The following ZNF83 variants were observed in gnomAD, a reference collection of about 807,000 sequenced individuals.
ZNF83 encodes the protein zinc finger protein 816B.
For missense variants in ZNF83, 552 were observed against 629.9 expected, an observed-to-expected ratio of 0.88 and a Z score of 1.32; for synonymous variants, 209 against 213.0, an observed-to-expected ratio of 0.98 and a Z score of 0.17.
intron 1 of ZNF83, among the ~76,000 whole-genome samples, chr19:52,681,191 A>G (rs191580956): frequency 6.8e-6 from 1 of 147,318 alleles, no homozygotes; most frequent in African/African-American, 2.5e-5. Context: ...AAGCTGAGGT[A>G]GGAGAATCTC....
At chr19:52,663,984 T>C (rs1042448377) in intron 1 of ZNF83, among the ~76,000 whole-genome samples, 12 of 152,198 alleles carry the variant, frequency 7.9e-5, no homozygotes, top group Admixed American at 2.0e-4. Flanking sequence ...CCTCCCGGAT[T>C]CAAGCTATTC....
chr19:52,612,488 G>A (rs1001260649), exon 3 of ZNF83: 1 of 155,752 alleles, frequency 6.4e-6, no homozygotes, highest in African/African-American at 2.4e-5. Context: ...TAAACCCTGT[G>A]ATGTTCCGGT....
intron 1 of ZNF83, among the ~76,000 whole-genome samples, chr19:52,666,200 A>G (rs2061650379): frequency 6.6e-6 from 1 of 151,212 alleles, no homozygotes; most frequent in Non-Finnish European, 1.5e-5. Context: ...AGAGTCAAAG[A>G]GAGAGAGAGA....
intron 2 of ZNF83, among the ~76,000 whole-genome samples, chr19:52,625,342 G>A (rs987632240): frequency 6.6e-6 from 1 of 152,096 alleles, no homozygotes; most frequent in Non-Finnish European, 1.5e-5. Context: ...CCCTATGCAA[G>A]TGTCCTCCAT....
At position 52,655,452 on chromosome 19, in the gene ZNF83, G is replaced by C. The variant is rs145529839; in HGVS notation, c.-74+109C>G. On this transcript the variant is annotated intron_variant, in intron 3 of 5. Coordinates refer to the ZNF83 transcript ENST00000594682. The stretch of plus-strand genomic sequence containing the variant: ...TCATCACTGCAGAAAACAATGACAT[G>C]TACATCAAAAGCATGTATGCGGCAA... The C allele has an allele frequency of 1.9e-4, 195 of 1,021,480 alleles. No individual in the cohort carries two copies. In the African/African-American group the frequency reaches 2.5e-3, roughly 13 times the overall value. The allele number at this position is 1,021,480 out of a possible 1,614,324, so 63.3% of individuals were successfully genotyped here. A position where few individuals can be genotyped will look rare whatever the true frequency, so the allele number is the denominator to read the frequency against.
At chr19:52,628,239 A>G (rs777038413) in intron 2 of ZNF83, among the ~76,000 whole-genome samples, 38 of 152,284 alleles carry the variant, frequency 2.5e-4, no homozygotes, top group Non-Finnish European at 4.7e-4. Flanking sequence ...TGGGAGATCA[A>G]TCGCTGTCCT....
Position 52,687,436 on chromosome 19 carries a change from A to C in ZNF83, c.-283+3007T>G. Among the ~76,000 whole-genome samples, 3 of 20,038 alleles carry C rather than the reference A, an allele frequency of 1.5e-4. 1 individual carries two copies. Among genetic ancestry groups the C allele is most frequent in the Middle Eastern group, 0.045 (1 of 22 alleles). The allele number at this position is 20,038 out of a possible 152,430, so 13.1% of individuals were successfully genotyped here. On this transcript the variant is annotated intron_variant, in intron 1 of 5. Transcript: ENST00000594682. ...AATTATAATATAAATTATAATTTAT[A>C]TAGCTATATAAATTATAATATAAAT...
At chr19:52,690,133 T>G (rs974262552) in intron 1 of ZNF83, among the ~76,000 whole-genome samples, 1 of 140,574 alleles carries the variant, frequency 7.1e-6, no homozygotes, top group East Asian at 2.1e-4. Context: ...ACTTCGCGGG[T>G]GAGGACGTTA....
chr19:52,667,772 A>G (rs2147300426), intron 1 of ZNF83, among the ~76,000 whole-genome samples: 1 of 152,326 alleles, frequency 6.6e-6, no homozygotes, highest in Admixed American at 6.5e-5. Context: ...AAGGTTAAAG[A>G]GTCTATAAAA....
chr19:52,614,729 G>A, exon 3 of ZNF83: 1 of 1,317,464 alleles, frequency 7.6e-7, no homozygotes. Context: ...ATTACTGTCT[G>A]GAATATTTCT....
chr19:52,618,767 T>C, intron 2 of ZNF83: 11 of 1,216,408 alleles, frequency 9.0e-6, no homozygotes, highest in Non-Finnish European at 1.2e-5. Context: ...GCAGAACATC[T>C]AAAAAAGGGG....
At chr19:52,621,950 G>C (rs536045) in intron 2 of ZNF83, among the ~76,000 whole-genome samples, 119,590 of 150,682 alleles carry the variant, frequency 0.79, 47,532 homozygotes, top group African/African-American at 0.89. Flanking sequence ...AGTCCCAAAT[G>C]CTTCTTTCCC....
chr19:52,638,046 G>A (rs1600211832), intron 1 of ZNF83, among the ~76,000 whole-genome samples: 1 of 152,248 alleles, frequency 6.6e-6, no homozygotes, highest in East Asian at 1.9e-4. Flanking sequence ...AGGGGCGGGA[G>A]GAGTCAGAAA....
Position 52,654,447 on chromosome 19 carries a change from G to A in ZNF83, c.-74+1114C>T. 4 of 755,496 alleles carry A rather than the reference G, an allele frequency of 5.3e-6. No homozygotes were observed. In the South Asian group the frequency reaches 9.1e-5, roughly 17 times the overall value. The allele number at this position is 755,496 out of a possible 1,614,324, so 46.8% of individuals were successfully genotyped here. On this transcript the variant is annotated intron_variant, in intron 3 of 5. Coordinates refer to the ZNF83 transcript ENST00000594682. ...AATAGGTTTCCAATTAAGTACAGAT[G>A]GTAAATAATATTTAATACTGAAATG... is the stretch of plus-strand genomic sequence containing the variant.
At chr19:52,646,532 G>C (rs1449917493) in intron 3 of ZNF83, among the ~76,000 whole-genome samples, 1 of 152,190 alleles carries the variant, frequency 6.6e-6, no homozygotes, top group African/African-American at 2.4e-5. Flanking sequence ...CTGGGTGATA[G>C]AGCCAGATGC....
At chr19:52,613,655 G>T (rs966778005) in exon 3 of ZNF83, 8 of 1,613,740 alleles carry the variant, frequency 5.0e-6, no homozygotes, top group Non-Finnish European at 2.5e-6. Flanking sequence ...TGATTTACTA[G>T]GGATGACTTG....
At chr19:52,621,951 C>G (rs2060565448) in intron 2 of ZNF83, among the ~76,000 whole-genome samples, 1 of 148,464 alleles carries the variant, frequency 6.7e-6, no homozygotes, top group African/African-American at 2.5e-5. Context: ...GTCCCAAATG[C>G]TTCTTTCCCT....
Position 52,687,578 on chromosome 19 carries a change from T to TTA in ZNF83, c.-283+2863_-283+2864dup, listed in dbSNP as rs35178808. On this transcript the variant is annotated intron_variant, in intron 1 of 5. Coordinates refer to the ZNF83 transcript ENST00000594682. ...TGTAAATTTTATATATATATAAATTTTATATATATATATATATAATGTATA... is the reference window on the plus strand; with the variant it reads ...TGTAAATTTTATATATATATAAATTTTATATATATATATATATATAATGTATA... Among the ~76,000 whole-genome samples the TTA allele has an allele frequency of 6.3e-3, 242 of 38,584 alleles. 54 individuals carry two copies. Among genetic ancestry groups the TTA allele is most frequent in the Non-Finnish European group, 8.5e-3 (179 of 20,994 alleles). 25.3% of individuals were successfully genotyped at this position (38,584 alleles called of 152,430 possible).
chr19:52,618,998 G>C (rs762031884), intron 2 of ZNF83: 6 of 1,592,060 alleles, frequency 3.8e-6, no homozygotes, highest in Admixed American at 1.7e-5. Context: ...CCTCTGAGCA[G>C]GGTCCAGGCA....
Sources: allele counts gnomAD v4.1 joint callset (sites outside exome capture counted in the v4.1 genomes callset), GRCh38; gene constraint gnomAD v4.1.1; transcripts MANE v1.5; gene names NCBI Gene and HGNC (gene_info 2026-07-23, HGNC 2026-07-21).